Variants in PPP3CB observed in about 807,000 individuals in gnomAD.
PPP3CB encodes serine/threonine-protein phosphatase 2B catalytic subunit beta isoform.
Under a neutral mutation model 66.4 loss-of-function variants are expected in PPP3CB, and 8 were observed. The observed-to-expected ratio is 0.12, with a 90% CI of 0.07 to 0.22. The LOEUF is 0.22. Ranked by LOEUF, PPP3CB falls within the 10% of genes least tolerant of loss-of-function variation. PPP3CB has a pLI of 1.00. For missense variants in PPP3CB, 319 were observed against 642.5 expected (o/e 0.50, Z 5.44); for synonymous variants, 208 against 221.2 (o/e 0.94, Z 0.53).
chr10:73,453,436 T>C (rs2132824757), intron 10 of PPP3CB, among the ~76,000 whole-genome samples: 1 of 152,286 alleles, frequency 6.6e-6, no homozygotes, highest in Admixed American at 6.5e-5. Context: ...ATATATATTT[T>C]TTTAATACAG....
At chr10:73,443,262 G>GAA (rs2056183213) in intron 12 of PPP3CB, among the ~76,000 whole-genome samples, 1 of 78,662 alleles carries the variant, frequency 1.3e-5, no homozygotes, top group Admixed American at 1.4e-4. Flanking sequence ...GAGAGAGAGA[G>GAA]AGAGAGAAAG....
At chr10:73,483,661 T>C (rs1365066876) in intron 1 of PPP3CB, among the ~76,000 whole-genome samples, 1 of 151,640 alleles carries the variant, frequency 6.6e-6, no homozygotes, top group Non-Finnish European at 1.5e-5. Flanking sequence ...CGTCTAAAGA[T>C]AAAAAATAAA....
intron 11 of PPP3CB, among the ~76,000 whole-genome samples, chr10:73,445,482 C>T (rs989927499): frequency 3.6e-4 from 55 of 152,078 alleles, no homozygotes; most frequent in African/African-American, 1.2e-3. Context: ...GGTCTCACTC[C>T]GTCACCCAGG....
At chr10:73,465,374 CAATGTAGG>C (rs2056602733) in intron 9 of PPP3CB, among the ~76,000 whole-genome samples, 2 of 151,842 alleles carry the variant, frequency 1.3e-5, no homozygotes, top group Non-Finnish European at 2.9e-5. Flanking sequence ...GACTACAGGC[CAATGTAGG>C]AATATTTTTA....
chr10:73,443,683 T>A (rs576528055), intron 12 of PPP3CB: 1 of 152,344 alleles, frequency 6.6e-6, no homozygotes, highest in African/African-American at 2.4e-5. Flanking sequence ...TCTCTTCTAT[T>A]TAATCTGTAA....
chr10:73,482,659 C>A (rs530829093), intron 1 of PPP3CB, among the ~76,000 whole-genome samples: 145 of 151,692 alleles, frequency 9.6e-4, no homozygotes, highest in Non-Finnish European at 1.6e-3. Context: ...TTCTTGTCTC[C>A]CAGGCTGGAA....
At chr10:73,443,377 T>C (rs992106008) in intron 12 of PPP3CB, among the ~76,000 whole-genome samples, 2 of 151,848 alleles carry the variant, frequency 1.3e-5, no homozygotes, top group South Asian at 2.1e-4. Context: ...GAGCACTTAT[T>C]ATGGAACCAA....
At chr10:73,444,553 T>C (rs1391757239) in intron 12 of PPP3CB, 172 bp downstream of exon 12, 1 of 1,540,646 alleles carries the variant, frequency 6.5e-7, no homozygotes, top group Non-Finnish European at 8.8e-7. Context: ...TTTTCTGCCC[T>C]GATCAGGTAT....
At chr10:73,464,684 C>G (rs1371162727) in intron 9 of PPP3CB, among the ~76,000 whole-genome samples, 1 of 152,098 alleles carries the variant, frequency 6.6e-6, no homozygotes, top group Non-Finnish European at 1.5e-5. Context: ...GTAATCCCAG[C>G]ACTTTAGGAA....
intron 10 of PPP3CB, chr10:73,448,793 G>C (rs942303872): frequency 1.9e-6 from 1 of 520,098 alleles, no homozygotes; most frequent in Non-Finnish European, 3.9e-6. Flanking sequence ...ACTGAAGAAT[G>C]AATGTAGAAA....
chr10:73,471,904 A>G (rs567288136), intron 4 of PPP3CB, among the ~76,000 whole-genome samples: 1 of 152,298 alleles, frequency 6.6e-6, no homozygotes, highest in South Asian at 2.1e-4. Flanking sequence ...ATGGCATGAT[A>G]AAACTTTTCT....
At chr10:73,440,180 C>T (rs1282749687) in intron 12 of PPP3CB, among the ~76,000 whole-genome samples, 1 of 152,204 alleles carries the variant, frequency 6.6e-6, no homozygotes, top group Non-Finnish European at 1.5e-5. Context: ...CATGCAAATG[C>T]ACTCCAGTAT....
chr10:73,446,450 G>A (rs1195861476), intron 11 of PPP3CB, 42 bp downstream of exon 11: 12 of 1,565,710 alleles, frequency 7.7e-6, no homozygotes, highest in South Asian at 5.5e-5. Context: ...TACAATAAAC[G>A]TAATTTCTGC....
At chr10:73,475,550 G>A (rs1186503953) in intron 3 of PPP3CB, among the ~76,000 whole-genome samples, 2 of 152,318 alleles carry the variant, frequency 1.3e-5, no homozygotes, top group African/African-American at 2.4e-5. Flanking sequence ...AAGTGATGGA[G>A]ATAGGATTCT....
chr10:73,486,567 A>G (rs1043233034), intron 1 of PPP3CB, among the ~76,000 whole-genome samples: 1 of 151,928 alleles, frequency 6.6e-6, no homozygotes, highest in African/African-American at 2.4e-5. Flanking sequence ...AGCCTCCCAA[A>G]GTGCTGGGAT....
rs60587127 is a variant in PPP3CB at position 73,476,847 on chromosome 10, C to T, written c.411+1652G>A. ...CAACTATCAGCAGGAGGAAGAAGAA[C>T]TCAAAATAGCAAAATTCCTAAGGGA... On this transcript the variant is annotated intron_variant, in intron 3 of 13. Transcript: ENST00000360663. Among the ~76,000 whole-genome samples, 760 of 152,000 alleles carry T rather than the reference C, an allele frequency of 5.0e-3. 20 individuals carry two copies. In the East Asian group the frequency reaches 0.052, roughly 10 times the overall value.
chr10:73,450,076 G>A (rs1190357041), intron 10 of PPP3CB, among the ~76,000 whole-genome samples: 8 of 152,140 alleles, frequency 5.3e-5, no homozygotes, highest in Admixed American at 4.6e-4. Context: ...GGGATTACAG[G>A]CCTGAGCCAC....
intron 1 of PPP3CB, among the ~76,000 whole-genome samples, chr10:73,495,043 A>AT (rs2057161648): frequency 6.6e-6 from 1 of 152,192 alleles, no homozygotes. Flanking sequence ...GCTGAGAAAC[A>AT]TTTAACTTTT....
At chr10:73,464,133 G>A (rs138731856) in intron 9 of PPP3CB, among the ~76,000 whole-genome samples, 12 of 151,950 alleles carry the variant, frequency 7.9e-5, no homozygotes, top group South Asian at 2.1e-4. Context: ...TTTCACCATC[G>A]TGGCCAGGTG....
Sources: allele counts gnomAD v4.1 joint callset (sites outside exome capture counted in the v4.1 genomes callset), GRCh38; gene constraint gnomAD v4.1.1; transcripts MANE v1.5; gene names NCBI Gene and HGNC (gene_info 2026-07-23, HGNC 2026-07-21).